OSBPL8: variants seen among roughly 807,000 people sequenced by gnomAD.
OSBPL8 encodes oxysterol-binding protein-related protein 8.
OSBPL8 carries 59 observed loss-of-function variants against 125.5 expected under a neutral mutation model. The observed-to-expected ratio is 0.47, with a 90% CI of 0.38 to 0.58. The LOEUF (loss-of-function observed/expected upper bound fraction) is 0.58, where lower values mean the gene tolerates loss of function less well. Ranked by LOEUF, OSBPL8 falls within the 20% of genes least tolerant of loss-of-function variation. OSBPL8 has a pLI of 0.00. For missense variants in OSBPL8, 758 were observed against 1,047.8 expected, an observed-to-expected ratio of 0.72 and a Z score of 3.82; for synonymous variants, 330 against 338.9, an observed-to-expected ratio of 0.97 and a Z score of 0.29.
In OSBPL8 at chr12:76,416,394, GT is replaced by G. The variant is rs548249750; in HGVS notation, c.218-5761del. On this transcript the variant is annotated intron_variant, in intron 4 of 23. Coordinates refer to ENST00000261183, the MANE Select transcript of OSBPL8 (RefSeq NM_020841.5). ...AGAAGGTATATTCTATAGTTGTTGG[GT>G]ATAAAGTTCTATATTTGTCCATTAA... Among the ~76,000 whole-genome samples the G allele has an allele frequency of 9.0e-3, 1,366 of 152,058 alleles. 19 individuals carry two copies. Among genetic ancestry groups the G allele is most frequent in the South Asian group, 0.028 (134 of 4,820 alleles).
chr12:76,496,571 G>A (rs189571037), intron 1 of OSBPL8, among the ~76,000 whole-genome samples: 9 of 150,382 alleles, frequency 6.0e-5, no homozygotes, highest in African/African-American at 1.7e-4. Flanking sequence ...ACAGAGTTTC[G>A]CTCTTGTTGC....
At chr12:76,372,038 G>A (rs939925378) in intron 18 of OSBPL8, among the ~76,000 whole-genome samples, 5 of 152,124 alleles carry the variant, frequency 3.3e-5, no homozygotes, top group African/African-American at 7.2e-5. Flanking sequence ...TATCTCTATC[G>A]AATAATCTTT....
intron 1 of OSBPL8, among the ~76,000 whole-genome samples, chr12:76,529,852 G>C (rs566258641): frequency 6.6e-6 from 1 of 152,294 alleles, no homozygotes; most frequent in East Asian, 1.9e-4. Context: ...CACATTACTA[G>C]TTGCTTTAAA....
chr12:76,473,130 T>G (rs1228431361), intron 2 of OSBPL8, among the ~76,000 whole-genome samples: 1 of 152,166 alleles, frequency 6.6e-6, no homozygotes, highest in Non-Finnish European at 1.5e-5. Flanking sequence ...CACTTCTCAC[T>G]ATGTCCCCTC....
At chr12:76,509,610 T>C (rs182073370) in intron 1 of OSBPL8, among the ~76,000 whole-genome samples, 101 of 152,322 alleles carry the variant, frequency 6.6e-4, no homozygotes, top group African/African-American at 2.4e-3. Context: ...CTATGAATTA[T>C]GTTAATATTT....
rs1292392736 is a variant in OSBPL8, at chr12:76,354,223, A to C, written c.*1666T>G. ...TCATGAAAATACTGGGTATAGGTAGATCTTATTTAAGCTTTTATCAATTTA... is the reference window on the plus strand; with the variant it reads ...TCATGAAAATACTGGGTATAGGTAGCTCTTATTTAAGCTTTTATCAATTTA... On this transcript the variant is annotated 3_prime_UTR_variant, in exon 24 of 24. Coordinates refer to ENST00000261183, the MANE Select transcript of OSBPL8 (RefSeq NM_020841.5). 6.6e-6 allele frequency: 1 copy of C among 152,236 alleles called. No individual in the cohort carries two copies. The highest frequency in any genetic ancestry group is 1.5e-5 in the Non-Finnish European group (1 of 67,774). 9.4% of individuals were successfully genotyped at this position (152,236 alleles called of 1,614,324 possible).
At chr12:76,363,557 C>T (rs772215649) in intron 21 of OSBPL8, among the ~76,000 whole-genome samples, 13 of 152,108 alleles carry the variant, frequency 8.5e-5, no homozygotes, top group Non-Finnish European at 8.8e-5. Context: ...CATAAAAACG[C>T]AGAAGAAAAC....
At chr12:76,528,325 C>T (rs577392228) in intron 1 of OSBPL8, among the ~76,000 whole-genome samples, 122 of 116,550 alleles carry the variant, frequency 1.0e-3, no homozygotes, top group Admixed American at 3.3e-3. Flanking sequence ...AACGAGACTC[C>T]GTCTCAAAAA....
rs376266198 is a variant in OSBPL8 at position 76,495,259 on chromosome 12, A to T, written c.-67-7641T>A. Among the ~76,000 whole-genome samples, 12 of 152,352 alleles carry T rather than the reference A, an allele frequency of 7.9e-5. No individual in the cohort carries two copies. In the South Asian group the frequency reaches 2.1e-3, roughly 26 times the overall value. On this transcript the variant is annotated intron_variant, in intron 1 of 23. Coordinates refer to ENST00000261183, the MANE Select transcript of OSBPL8 (RefSeq NM_020841.5). Reference sequence around the variant, plus strand: ...TTCCAGTTCCTGTAAGCTGTATGTTATATGCAAAAGACATTAACAAAATAT... The same window carrying T: ...TTCCAGTTCCTGTAAGCTGTATGTTTTATGCAAAAGACATTAACAAAATAT...
At chr12:76,366,602 C>T (rs1343376535) in intron 21 of OSBPL8, 2 of 447,558 alleles carry the variant, frequency 4.5e-6, no homozygotes. Context: ...GTTTTTTCTT[C>T]TTTTTCCAGT....
chr12:76,387,988 G>A (rs1297794238), intron 12 of OSBPL8, among the ~76,000 whole-genome samples: 1 of 152,092 alleles, frequency 6.6e-6, no homozygotes, highest in Non-Finnish European at 1.5e-5. Flanking sequence ...GCATAAACAA[G>A]CATATATAAA....
At chr12:76,534,418 A>T in intron 1 of OSBPL8, 1 of 152,182 alleles carries the variant, frequency 6.6e-6, no homozygotes, top group East Asian at 1.9e-4. Flanking sequence ...CTGCAACCCC[A>T]ATTTACTGAC....
At chr12:76,402,801 T>C (rs1198391753) in intron 5 of OSBPL8, 35 bp from the exon 6 acceptor site, 3 of 1,365,132 alleles carry the variant, frequency 2.2e-6, no homozygotes, top group East Asian at 4.6e-5. Context: ...AATTAAATCC[T>C]TCAGATTTTC....
chr12:76,374,126 A>T (rs749981642), intron 17 of OSBPL8, among the ~76,000 whole-genome samples: 1 of 152,220 alleles, frequency 6.6e-6, no homozygotes, highest in Non-Finnish European at 1.5e-5. Context: ...TTTTTATCAG[A>T]GCAAAATTGC....
At chr12:76,486,128 A>T (rs569127553) in intron 2 of OSBPL8, 2 of 376,344 alleles carry the variant, frequency 5.3e-6, no homozygotes, top group East Asian at 1.5e-4. Flanking sequence ...AATTTATTTT[A>T]AAGTTTAACT....
chr12:76,393,953 G>A (rs952531502), intron 9 of OSBPL8, among the ~76,000 whole-genome samples: 8 of 152,234 alleles, frequency 5.3e-5, no homozygotes, highest in African/African-American at 1.9e-4. Flanking sequence ...CAGGGAGTCA[G>A]AGGTTGCAGT....
intron 4 of OSBPL8, among the ~76,000 whole-genome samples, chr12:76,416,711 G>T (rs1436870721): frequency 6.6e-5 from 10 of 151,842 alleles, no homozygotes. Flanking sequence ...TCTTTTATAT[G>T]TAGATATGTC....
At chr12:76,368,966 C>T (rs1952518193) in intron 21 of OSBPL8, among the ~76,000 whole-genome samples, 1 of 152,160 alleles carries the variant, frequency 6.6e-6, no homozygotes, top group South Asian at 2.1e-4. Flanking sequence ...GCTTTCCTCT[C>T]TTTGCACTTT....
chr12:76,419,646 A>C (rs891462240), intron 4 of OSBPL8, among the ~76,000 whole-genome samples: 6 of 152,200 alleles, frequency 3.9e-5, no homozygotes, highest in African/African-American at 1.4e-4. Context: ...ATATAAAAAG[A>C]AAAAAACATA....
Sources: allele counts gnomAD v4.1 joint callset (sites outside exome capture counted in the v4.1 genomes callset), GRCh38; gene constraint gnomAD v4.1.1; transcripts MANE v1.5; gene names NCBI Gene and HGNC (gene_info 2026-07-23, HGNC 2026-07-21).